The following MSI2 variants were observed in gnomAD, a reference collection of about 807,000 sequenced individuals.
The protein encoded by MSI2 is musashi RNA binding protein 2.
A neutral mutation model predicts 45.6 loss-of-function variants in MSI2; 17 were observed. The ratio of observed to expected loss-of-function variants is 0.37; its 90% confidence interval spans 0.26 to 0.56. The LOEUF (loss-of-function observed/expected upper bound fraction) is 0.56. Ranked by LOEUF, MSI2 falls within the 20% of genes least tolerant of loss-of-function variation. MSI2 has a pLI of 0.77. For missense variants in MSI2, 293 were observed against 444.2 expected (o/e 0.66, Z 3.06); for synonymous variants, 156 against 158.2 (o/e 0.99, Z 0.11).
intron 5 of MSI2, among the ~76,000 whole-genome samples, chr17:57,365,760 CCA>C (rs1218192510): frequency 6.6e-6 from 1 of 152,122 alleles, no homozygotes; most frequent in East Asian, 1.9e-4. Context: ...AGATGAGCTT[CCA>C]CATATTGTGC....
chr17:57,642,847 C>T (rs1371092793), intron 10 of MSI2, among the ~76,000 whole-genome samples: 1 of 152,204 alleles, frequency 6.6e-6, no homozygotes, highest in Non-Finnish European at 1.5e-5. Context: ...CATGCAGGTA[C>T]TGAATGCTAG....
intron 7 of MSI2, among the ~76,000 whole-genome samples, chr17:57,580,710 C>T (rs1204325204): frequency 6.6e-6 from 1 of 152,172 alleles, no homozygotes; most frequent in Non-Finnish European, 1.5e-5. Context: ...CAATAAACCC[C>T]TCTGGCCTAG....
chr17:57,370,190 G>T (rs2143955404), intron 5 of MSI2, among the ~76,000 whole-genome samples: 1 of 152,314 alleles, frequency 6.6e-6, no homozygotes, highest in East Asian at 1.9e-4. Flanking sequence ...GGGAATCTGT[G>T]TGTTCTTTCC....
chr17:57,346,364 A>AT (rs1426563126), intron 5 of MSI2, among the ~76,000 whole-genome samples: 1 of 140,896 alleles, frequency 7.1e-6, no homozygotes, highest in African/African-American at 2.6e-5. Flanking sequence ...GGGGGGTCTG[A>AT]TTTTTTTCTT....
Position 57,336,841 on chromosome 17 carries a change from A to G in MSI2, c.313-64538A>G, listed in dbSNP as rs536851678. ...CAACTTAAAATAGCAAACGTTTATC[A>G]TCTCACGGTGTCTGAGGGTCAGGAA... is the stretch of plus-strand genomic sequence containing the variant. On this transcript the variant is annotated intron_variant, in intron 5 of 13. Coordinates refer to ENST00000284073, the MANE Select transcript of MSI2 (RefSeq NM_138962.4). Among the ~76,000 whole-genome samples, 413 of 152,312 alleles carry G rather than the reference A, an allele frequency of 2.7e-3. 6 individuals carry two copies. Among genetic ancestry groups the G allele is most frequent in the African/African-American group, 9.5e-3 (397 of 41,580 alleles).
intron 7 of MSI2, among the ~76,000 whole-genome samples, chr17:57,563,664 T>C (rs2087644181): frequency 6.6e-6 from 1 of 151,886 alleles, no homozygotes; most frequent in Non-Finnish European, 1.5e-5. Flanking sequence ...ATACCCATAA[T>C]GGCCCCATTT....
chr17:57,397,283 A>C (rs1263399489), intron 5 of MSI2, among the ~76,000 whole-genome samples: 1 of 152,126 alleles, frequency 6.6e-6, no homozygotes, highest in Non-Finnish European at 1.5e-5. Context: ...GGAGTATAGA[A>C]CCCGGGGGCC....
chr17:57,299,929 G>T (rs991738923), intron 5 of MSI2, among the ~76,000 whole-genome samples: 3 of 152,224 alleles, frequency 2.0e-5, no homozygotes, highest in Middle Eastern at 6.3e-3. Context: ...TCTAGGGAGG[G>T]CAGATTATTT....
chr17:57,452,533 C>A (rs1439953775), intron 6 of MSI2, among the ~76,000 whole-genome samples: 1 of 152,232 alleles, frequency 6.6e-6, no homozygotes, highest in African/African-American at 2.4e-5. Flanking sequence ...GCAGTCTTAA[C>A]AATCCATCTG....
intron 5 of MSI2, among the ~76,000 whole-genome samples, chr17:57,300,167 A>C (rs1911311243): frequency 6.6e-6 from 1 of 151,986 alleles, no homozygotes; most frequent in African/African-American, 2.4e-5. Context: ...GCCTTTGGTG[A>C]CGTGCTGTCA....
At chr17:57,321,949 A>G (rs1913380552) in intron 5 of MSI2, among the ~76,000 whole-genome samples, 1 of 151,866 alleles carries the variant, frequency 6.6e-6, no homozygotes, top group South Asian at 2.1e-4. Context: ...GGCTCCCACC[A>G]CCATGCCCGG....
chr17:57,636,269 C>CTA (rs1909828280), intron 10 of MSI2, among the ~76,000 whole-genome samples: 4 of 152,164 alleles, frequency 2.6e-5, no homozygotes, highest in African/African-American at 9.7e-5. Flanking sequence ...GAAGCCTTGG[C>CTA]CATAGGCAAG....
intron 5 of MSI2, among the ~76,000 whole-genome samples, chr17:57,294,308 C>G (rs997983684): frequency 6.6e-6 from 1 of 152,104 alleles, no homozygotes; most frequent in African/African-American, 2.4e-5. Flanking sequence ...GCTGTTTGAG[C>G]ATCTGGCTTT....
intron 5 of MSI2, among the ~76,000 whole-genome samples, chr17:57,276,835 T>C (rs1908886981): frequency 2.0e-5 from 3 of 152,112 alleles, no homozygotes; most frequent in African/African-American, 7.2e-5. Flanking sequence ...CTCATTTTTG[T>C]GCCGAGGCTC....
chr17:57,353,788 G>T (rs985125818), intron 5 of MSI2, among the ~76,000 whole-genome samples: 1 of 152,140 alleles, frequency 6.6e-6, no homozygotes, highest in Non-Finnish European at 1.5e-5. Context: ...GTCCTGGATG[G>T]TGCAGGGGTT....
At chr17:57,402,313 G>T (rs1430077926) in intron 6 of MSI2, among the ~76,000 whole-genome samples, 2 of 152,178 alleles carry the variant, frequency 1.3e-5, no homozygotes, top group Non-Finnish European at 2.9e-5. Flanking sequence ...GAAATGGCAG[G>T]TTCAAGGAGG....
chr17:57,515,606 G>C (rs911428046), intron 6 of MSI2, among the ~76,000 whole-genome samples: 2 of 152,206 alleles, frequency 1.3e-5, no homozygotes, highest in African/African-American at 4.8e-5. Context: ...GTGGGCGCTA[G>C]GTAGGGAATG....
chr17:57,309,699 A>G (rs1020888654), intron 5 of MSI2, among the ~76,000 whole-genome samples: 5 of 152,204 alleles, frequency 3.3e-5, no homozygotes, highest in Non-Finnish European at 5.9e-5. Context: ...CCAGATGGTC[A>G]CGTGTCAGTT....
chr17:57,656,293 G>A (rs573351448), intron 11 of MSI2, among the ~76,000 whole-genome samples: 8 of 152,108 alleles, frequency 5.3e-5, no homozygotes, highest in Non-Finnish European at 8.8e-5. Flanking sequence ...TGTTGATATC[G>A]TCCAATTATA....
Sources: gnomAD v4.1 joint callset for allele counts (sites outside exome capture counted in the v4.1 genomes callset) on GRCh38, gnomAD v4.1.1 for gene constraint, MANE v1.5 for transcripts, NCBI Gene and HGNC (gene_info 2026-07-23, HGNC 2026-07-21) for gene names.